ADAMTSL1: variants seen among roughly 807,000 people sequenced by gnomAD.
ADAMTSL1 encodes ADAMTS-like protein 1.
A neutral mutation model predicts 201.8 loss-of-function variants in ADAMTSL1; 126 were observed. The observed-to-expected ratio is 0.62, with a 90% confidence interval of 0.54 to 0.72. The LOEUF is 0.72. Ranked by LOEUF, ADAMTSL1 falls within the 30% of genes least tolerant of loss-of-function variation. The pLI is 0.00. For missense variants in ADAMTSL1, 2,679 were observed against 2,277.8 expected, an observed-to-expected ratio of 1.18 and a Z score of -3.59; for synonymous variants, 1,121 against 903.4, an observed-to-expected ratio of 1.24 and a Z score of -4.32.
At chr9:18,446,130 T>G (rs1376723555) in intron 2 of ADAMTSL1, among the ~76,000 whole-genome samples, 1 of 152,066 alleles carries the variant, frequency 6.6e-6, no homozygotes, top group Non-Finnish European at 1.5e-5. Flanking sequence ...TGCGATTACC[T>G]CTAGCAGAAA....
chr9:18,782,324 G>C (rs980580141), intron 19 of ADAMTSL1, among the ~76,000 whole-genome samples: 1 of 152,190 alleles, frequency 6.6e-6, no homozygotes, highest in Non-Finnish European at 1.5e-5. Context: ...TGGAAATATT[G>C]TGATAAATGA....
chr9:18,345,258 G>A (rs544860304), intron 2 of ADAMTSL1, among the ~76,000 whole-genome samples: 27 of 152,062 alleles, frequency 1.8e-4, no homozygotes, highest in Non-Finnish European at 4.0e-4. Flanking sequence ...CACTGCCAAT[G>A]CTCATTTAAT....
At chr9:18,809,795 CA>C (rs201712099) in intron 20 of ADAMTSL1, among the ~76,000 whole-genome samples, 2,025 of 150,850 alleles carry the variant, frequency 0.013, 48 homozygotes, top group African/African-American at 0.046. Context: ...ATCTCAAAAA[CA>C]AAAAAAAGAA....
chr9:18,135,064 C>T (rs927163781), intron 1 of ADAMTSL1, among the ~76,000 whole-genome samples: 1 of 152,126 alleles, frequency 6.6e-6, no homozygotes, highest in Admixed American at 6.6e-5. Flanking sequence ...TTGATAATAC[C>T]TGGTTTTCAC....
intron 2 of ADAMTSL1, among the ~76,000 whole-genome samples, chr9:18,516,139 A>C (rs1426616764): frequency 2.0e-5 from 3 of 152,000 alleles, no homozygotes; most frequent in Admixed American, 2.0e-4. Flanking sequence ...TACTTGCATA[A>C]TTTATTGAAT....
chr9:18,377,692 A>T (rs1837361736), intron 2 of ADAMTSL1, among the ~76,000 whole-genome samples: 1 of 152,002 alleles, frequency 6.6e-6, no homozygotes, highest in African/African-American at 2.4e-5. Context: ...TGAGCCTCCC[A>T]AGTAGCTGGG....
intron 16 of ADAMTSL1, among the ~76,000 whole-genome samples, chr9:18,770,019 C>T (rs1305318785): frequency 6.6e-6 from 1 of 152,116 alleles, no homozygotes; most frequent in East Asian, 1.9e-4. Flanking sequence ...TTTCTTGCAT[C>T]CCAAATTTCA....
chr9:18,685,646 G>A (rs1830784207), intron 13 of ADAMTSL1, among the ~76,000 whole-genome samples: 1 of 152,118 alleles, frequency 6.6e-6, no homozygotes. Context: ...AGTTAATAGT[G>A]GAGCATGTAG....
At chr9:18,144,214 TCTTTC>T (rs1462747121) in intron 1 of ADAMTSL1, among the ~76,000 whole-genome samples, 2 of 152,000 alleles carry the variant, frequency 1.3e-5, no homozygotes, top group African/African-American at 4.8e-5. Context: ...TTTCTTTCTT[TCTTTC>T]TTTTTTTGAG....
At chr9:18,769,329 A>G (rs1011878106) in intron 16 of ADAMTSL1, among the ~76,000 whole-genome samples, 3 of 152,210 alleles carry the variant, frequency 2.0e-5, no homozygotes, top group Non-Finnish European at 4.4e-5. Context: ...TTGATCTCTC[A>G]GCAAGCCCAA....
At chr9:18,645,312 T>C (rs1255311145) in intron 7 of ADAMTSL1, among the ~76,000 whole-genome samples, 2 of 152,196 alleles carry the variant, frequency 1.3e-5, no homozygotes, top group East Asian at 1.9e-4. Flanking sequence ...GAGTAGATTG[T>C]TAAAATTTTC....
chr9:18,893,387 CAGAG>C (rs1204701902), intron 26 of ADAMTSL1, among the ~76,000 whole-genome samples: 5 of 152,190 alleles, frequency 3.3e-5, no homozygotes, highest in Admixed American at 6.5e-5. Context: ...TGTTTCCTAA[CAGAG>C]AGAAAAATAC....
chr9:18,412,231 GA>G (rs1818474769), intron 2 of ADAMTSL1, among the ~76,000 whole-genome samples: 1 of 152,154 alleles, frequency 6.6e-6, no homozygotes, highest in Non-Finnish European at 1.5e-5. Context: ...TTCATAAGTG[GA>G]ACTGTGCTTT....
intron 1 of ADAMTSL1, among the ~76,000 whole-genome samples, chr9:17,917,771 A>G (rs1826154646): frequency 6.6e-6 from 1 of 151,984 alleles, no homozygotes; most frequent in Non-Finnish European, 1.5e-5. Flanking sequence ...TTAAATGTTT[A>G]AGAATTCACC....
chr9:18,549,839 C>T (rs369980599), intron 3 of ADAMTSL1, among the ~76,000 whole-genome samples: 40 of 152,082 alleles, frequency 2.6e-4, no homozygotes, highest in African/African-American at 9.2e-4. Flanking sequence ...AAAAAGTAAT[C>T]TGGGGTCCAG....
chr9:18,073,799 A>G (rs1269156258), intron 1 of ADAMTSL1, among the ~76,000 whole-genome samples: 2 of 152,150 alleles, frequency 1.3e-5, no homozygotes, highest in African/African-American at 4.8e-5. Context: ...GTGTCACCCA[A>G]CTTCAGCGGC....
intron 4 of ADAMTSL1, among the ~76,000 whole-genome samples, chr9:18,591,997 T>A (rs1823944907): frequency 6.6e-6 from 1 of 152,196 alleles, no homozygotes; most frequent in Non-Finnish European, 1.5e-5. Flanking sequence ...CAATATGCAG[T>A]CAGGCATTGT....
intron 2 of ADAMTSL1, among the ~76,000 whole-genome samples, chr9:18,518,722 T>C (rs546511334): frequency 2.4e-4 from 36 of 152,334 alleles, no homozygotes; most frequent in African/African-American, 8.4e-4. Context: ...TTCTTTTTAT[T>C]TTTTGAGACA....
At chr9:18,341,420 A>G (rs1835459608) in intron 2 of ADAMTSL1, among the ~76,000 whole-genome samples, 1 of 151,972 alleles carries the variant, frequency 6.6e-6, no homozygotes. Flanking sequence ...ACTTGCATTC[A>G]TCTTTTAAGT....
Sources: allele counts gnomAD v4.1 joint callset (sites outside exome capture counted in the v4.1 genomes callset), GRCh38; gene constraint gnomAD v4.1.1; transcripts MANE v1.5; gene names NCBI Gene and HGNC (gene_info 2026-07-23, HGNC 2026-07-21).